Variants in LIPC observed in about 807,000 individuals in gnomAD.
LIPC encodes lipase C, hepatic type, also known as hepatic triacylglycerol lipase.
LIPC carries 44 observed loss-of-function variants against 50.7 expected under a neutral mutation model. That is an observed-to-expected ratio of 0.87 (90% CI 0.68 to 1.11). The LOEUF is 1.11. LIPC is among the 50% of genes most tolerant of loss of function. The pLI is 0.00. For missense variants in LIPC, 697 were observed against 648.2 expected, an observed-to-expected ratio of 1.08 and a Z score of -0.82; for synonymous variants, 271 against 256.4, an observed-to-expected ratio of 1.06 and a Z score of -0.54.
intron 1 of LIPC, chr15:58,521,950 G>C (rs1345127824): frequency 1.3e-5 from 2 of 152,066 alleles, no homozygotes; most frequent in Admixed American, 6.6e-5. Context: ...GGTTGTGTGA[G>C]TTTGCAGGGA....
intron 6 of LIPC, among the ~76,000 whole-genome samples, chr15:58,558,346 A>C (rs1351169275): frequency 6.6e-6 from 1 of 152,166 alleles, no homozygotes; most frequent in Non-Finnish European, 1.5e-5. Context: ...CTGGGATTAC[A>C]GGTGCAAGCC....
chr15:58,451,439 C>G (rs755338309), intron 1 of LIPC, among the ~76,000 whole-genome samples: 1 of 152,154 alleles, frequency 6.6e-6, no homozygotes, highest in South Asian at 2.1e-4. Context: ...CTCCCCACCC[C>G]CTTCTCCCTT....
At chr15:58,453,964 G>C (rs1274274764) in intron 1 of LIPC, among the ~76,000 whole-genome samples, 1 of 152,152 alleles carries the variant, frequency 6.6e-6, no homozygotes, top group Non-Finnish European at 1.5e-5. Context: ...TGCCACATTT[G>C]CTATTTGCAA....
At chr15:58,529,050 T>G (rs1892872184) in intron 1 of LIPC, among the ~76,000 whole-genome samples, 1 of 152,180 alleles carries the variant, frequency 6.6e-6, no homozygotes, top group Non-Finnish European at 1.5e-5. Flanking sequence ...CCTCCTTCTA[T>G]TCCTTGTAAG....
At chr15:58,480,622 G>A (rs529191467) in intron 1 of LIPC, among the ~76,000 whole-genome samples, 5 of 152,302 alleles carry the variant, frequency 3.3e-5, no homozygotes, top group African/African-American at 1.2e-4. Context: ...AAACAAGCTT[G>A]TCCAACCTTC....
chr15:58,544,463 T>C (rs1345383098), intron 4 of LIPC, among the ~76,000 whole-genome samples: 1 of 148,414 alleles, frequency 6.7e-6, no homozygotes, highest in African/African-American at 2.5e-5. Context: ...TGGCATGATC[T>C]TGGCTCACTG....
chr15:58,509,743 G>GA (rs1892275575), intron 1 of LIPC, among the ~76,000 whole-genome samples: 1 of 151,962 alleles, frequency 6.6e-6, no homozygotes, highest in African/African-American at 2.4e-5. Context: ...CCTGCTTGGT[G>GA]ACCAAGAATC....
intron 8 of LIPC, chr15:58,565,457 C>A: frequency 7.1e-7 from 1 of 1,412,622 alleles, no homozygotes; most frequent in East Asian, 2.5e-5. Context: ...GAGGGAGGGG[C>A]CTGGCCCTTC....
intron 8 of LIPC, among the ~76,000 whole-genome samples, chr15:58,564,166 C>CTCTCTA: frequency 6.6e-6 from 1 of 151,790 alleles, no homozygotes; most frequent in South Asian, 2.1e-4. Context: ...CTCTCTCTCT[C>CTCTCTA]TCTCTCTCTG....
intron 1 of LIPC, chr15:58,494,878 G>T (rs1311813826): frequency 6.6e-6 from 3 of 455,826 alleles, no homozygotes; most frequent in Non-Finnish European, 1.3e-5. Flanking sequence ...AGCAACCCTG[G>T]TTTTTCTGTT....
At chr15:58,509,826 T>A (rs1265107034) in intron 1 of LIPC, among the ~76,000 whole-genome samples, 1 of 152,172 alleles carries the variant, frequency 6.6e-6, no homozygotes, top group East Asian at 1.9e-4. Context: ...AATTACATAA[T>A]ATGATAGGAA....
intron 1 of LIPC, among the ~76,000 whole-genome samples, chr15:58,532,171 T>C (rs1348332130): frequency 1.3e-5 from 2 of 152,166 alleles, no homozygotes; most frequent in African/African-American, 4.8e-5. Context: ...GGGAGAAACA[T>C]TCCTCACCAT....
At chr15:58,484,330 C>A (rs1258759333) in intron 1 of LIPC, among the ~76,000 whole-genome samples, 1 of 152,198 alleles carries the variant, frequency 6.6e-6, no homozygotes, top group South Asian at 2.1e-4. Context: ...CCTTAGCATT[C>A]GTCCCTGCCC....
chr15:58,494,759 A>C (rs980586492), intron 1 of LIPC: 1 of 456,226 alleles, frequency 2.2e-6, no homozygotes, highest in Non-Finnish European at 4.4e-6. Flanking sequence ...ACTGATTTAT[A>C]GTTAGCTTTT....
intron 1 of LIPC, among the ~76,000 whole-genome samples, chr15:58,442,198 G>C (rs59999923): frequency 0.01 from 1,566 of 152,272 alleles, 26 homozygotes; most frequent in South Asian, 0.068. Flanking sequence ...TGATTAGAAT[G>C]GTCATCGTGG....
At chr15:58,440,663 C>T (rs1455691007) in intron 1 of LIPC, among the ~76,000 whole-genome samples, 4 of 152,172 alleles carry the variant, frequency 2.6e-5, no homozygotes, top group Non-Finnish European at 5.9e-5. Flanking sequence ...ATAATTTCAA[C>T]ACAATGCAAT....
Position 58,531,233 on chromosome 15 carries a change from G to A in LIPC, c.89-7100G>A, listed in dbSNP as rs1374313717. ...TTTCTCCCATGACTAATGATGTTAA[G>A]CACATTTTCTTGTACACATGTGCCC... On this transcript the variant is annotated intron_variant, in intron 1 of 8. Coordinates refer to ENST00000299022, the MANE Select transcript of LIPC (RefSeq NM_000236.3). Among the ~76,000 whole-genome samples, 3 of 152,128 alleles carry A rather than the reference G, an allele frequency of 2.0e-5. No individual in the cohort carries two copies. In the East Asian group the frequency reaches 5.8e-4, roughly 29 times the overall value.
chr15:58,490,891 G>C (rs972991678), intron 1 of LIPC, among the ~76,000 whole-genome samples: 2 of 152,204 alleles, frequency 1.3e-5, no homozygotes, highest in Admixed American at 1.3e-4. Flanking sequence ...AGCCTGAGAA[G>C]TGTGGAGGAT....
At chr15:58,527,786 T>A (rs1038895557) in intron 1 of LIPC, among the ~76,000 whole-genome samples, 2 of 151,822 alleles carry the variant, frequency 1.3e-5, no homozygotes, top group African/African-American at 4.9e-5. Context: ...AATGAATAAA[T>A]GAATTAATGA....
Sources: gnomAD v4.1 joint callset for allele counts (sites outside exome capture counted in the v4.1 genomes callset) on GRCh38, gnomAD v4.1.1 for gene constraint, MANE v1.5 for transcripts, NCBI Gene and HGNC (gene_info 2026-07-23, HGNC 2026-07-21) for gene names.